The following PRKCQ variants were observed in gnomAD, a reference collection of about 807,000 sequenced individuals.
PRKCQ encodes protein kinase C theta type.
Under a neutral mutation model 91.2 loss-of-function variants are expected in PRKCQ, and 41 were observed. The ratio of observed to expected loss-of-function variants is 0.45; its 90% confidence interval spans 0.35 to 0.58. The LOEUF is 0.58. Ranked by LOEUF, PRKCQ falls within the 20% of genes least tolerant of loss-of-function variation. PRKCQ has a pLI of 0.00. For synonymous variants in PRKCQ, 307 were observed against 316.9 expected (o/e 0.97, Z 0.33); for missense variants, 673 against 896.5 (o/e 0.75, Z 3.18).
chr10:6,449,308 C>T (rs1237514581), intron 15 of PRKCQ, among the ~76,000 whole-genome samples: 13 of 151,298 alleles, frequency 8.6e-5, no homozygotes, highest in Non-Finnish European at 1.5e-4. Context: ...GGAGCTGATG[C>T]GATCAACTGG....
intron 1 of PRKCQ, among the ~76,000 whole-genome samples, chr10:6,559,892 G>A (rs1229306167): frequency 6.6e-6 from 1 of 152,118 alleles, no homozygotes; most frequent in Non-Finnish European, 1.5e-5. Flanking sequence ...GTGGTATTTC[G>A]TTACGTACAC....
intron 15 of PRKCQ, among the ~76,000 whole-genome samples, chr10:6,449,700 A>G (rs1834540049): frequency 6.6e-6 from 1 of 152,204 alleles, no homozygotes; most frequent in South Asian, 2.1e-4. Context: ...CGGGTTACCC[A>G]CAAAGGGAAG....
chr10:6,417,036 A>G, the PRKCQ span, among the ~76,000 whole-genome samples: 4 of 152,226 alleles, frequency 2.6e-5, no homozygotes, highest in African/African-American at 7.2e-5. Context: ...CCACTCCTGT[A>G]ATGTATTCTT....
chr10:6,489,485 G>A (rs755378435), intron 8 of PRKCQ: 1 of 528,846 alleles, frequency 1.9e-6, no homozygotes, highest in Non-Finnish European at 3.9e-6. Context: ...GAAAGAGAAG[G>A]CAGGGTAAAA....
intron 15 of PRKCQ, among the ~76,000 whole-genome samples, chr10:6,449,248 G>A (rs1246693620): frequency 2.0e-5 from 3 of 148,770 alleles, no homozygotes; most frequent in Non-Finnish European, 4.5e-5. Flanking sequence ...AGGAGCTGAT[G>A]GAGCTGAAAG....
intron 12 of PRKCQ, among the ~76,000 whole-genome samples, chr10:6,475,461 T>C (rs773188585): frequency 1.6e-4 from 24 of 152,344 alleles, no homozygotes; most frequent in Admixed American, 2.6e-4. Context: ...CTAGGAACTT[T>C]AAAAACTTTA....
chr10:6,564,346 C>A (rs1840754603), intron 1 of PRKCQ, among the ~76,000 whole-genome samples: 1 of 152,128 alleles, frequency 6.6e-6, no homozygotes, highest in South Asian at 2.1e-4. Context: ...AATACTATTG[C>A]TCGATGGCGT....
rs545388635 is a variant in PRKCQ, at chr10:6,520,758, C to T, written c.-9-5614G>A. ...CAGCACCTGTCATATTGATTTGCGTCACACCTGCCATTTCTACAGTCCGAG... is the reference window on the plus strand; with the variant it reads ...CAGCACCTGTCATATTGATTTGCGTTACACCTGCCATTTCTACAGTCCGAG... On this transcript the variant is annotated intron_variant, in intron 1 of 17. Transcript: ENST00000263125. Among the ~76,000 whole-genome samples, 67 of 152,278 alleles carry T rather than the reference C, an allele frequency of 4.4e-4. No individual in the cohort carries two copies. The Middle Eastern group carries it at 0.017, about 39-fold the overall frequency.
At chr10:6,457,700 G>A (rs1483957538) in intron 14 of PRKCQ, among the ~76,000 whole-genome samples, 1 of 152,182 alleles carries the variant, frequency 6.6e-6, no homozygotes, top group African/African-American at 2.4e-5. Context: ...TCTGATTGGT[G>A]CAGGTTACAG....
At chr10:6,457,418 C>A (rs763203594) in intron 14 of PRKCQ, among the ~76,000 whole-genome samples, 1 of 152,080 alleles carries the variant, frequency 6.6e-6, no homozygotes, top group Non-Finnish European at 1.5e-5. Flanking sequence ...TCCAAGGGGG[C>A]TTTCTATTGT....
intron 16 of PRKCQ, among the ~76,000 whole-genome samples, chr10:6,434,201 C>T (rs760920322): frequency 3.9e-5 from 6 of 152,046 alleles, no homozygotes; most frequent in African/African-American, 1.2e-4. Flanking sequence ...GCCAAAACCT[C>T]GCTCATGTTG....
Position 6,453,161 on chromosome 10 carries a change from C to T in PRKCQ, c.1647+3513G>A, listed in dbSNP as rs1454832944. On this transcript the variant is annotated intron_variant, in intron 15 of 17. Coordinates refer to ENST00000263125, the MANE Select transcript of PRKCQ (RefSeq NM_006257.5). ...AACCTACAAAATGGGAGAAAATTTT[C>T]GCAACCTACTCATCTGACAAAGGGC... is the stretch of plus-strand genomic sequence containing the variant. Among the ~76,000 whole-genome samples the T allele has an allele frequency of 2.1e-3, 318 of 150,130 alleles. 1 individual carries two copies. Among genetic ancestry groups the T allele is most frequent in the African/African-American group, 7.1e-3 (293 of 41,102 alleles).
At chr10:6,517,166 AACTACACAGAG>A (rs1262050443) in intron 1 of PRKCQ, among the ~76,000 whole-genome samples, 1 of 152,088 alleles carries the variant, frequency 6.6e-6, no homozygotes, top group Non-Finnish European at 1.5e-5. Context: ...TTTACACCCG[AACTACACAGAG>A]TGCTTTTCTC....
At position 6,465,641 on chromosome 10, in the gene PRKCQ, C is replaced by G. The variant is rs2026432; in HGVS notation, c.1354-1237G>C. ...GGTTTCTTAACAGAATTAACCTTTA[C>G]GTTTTGATGTGAACCCAACCGAGGC... is the stretch of plus-strand genomic sequence containing the variant. On this transcript the variant is annotated intron_variant, in intron 12 of 17. Transcript: ENST00000263125. The surrounding 1 kb of genome is among the most constrained non-coding windows in gnomAD (Gnocchi z 4.4). 1.3e-5 allele frequency among the ~76,000 whole-genome samples: 2 copies of G among 152,046 alleles called. No individual in the cohort carries two copies.
chr10:6,528,832 C>T (rs557624891), intron 1 of PRKCQ, among the ~76,000 whole-genome samples: 14 of 152,200 alleles, frequency 9.2e-5, no homozygotes, highest in Non-Finnish European at 1.9e-4. Context: ...TCCCACCTGT[C>T]CCTACTTGCA....
chr10:6,398,180 G>A, the PRKCQ span, among the ~76,000 whole-genome samples: 2 of 152,072 alleles, frequency 1.3e-5, no homozygotes, highest in African/African-American at 2.4e-5. Context: ...GTTGAAAGTC[G>A]ATGACCATAA....
In PRKCQ at chr10:6,462,291, A is replaced by T. The variant is rs539103; in HGVS notation, c.1508+12T>A. 461 of 1,611,674 alleles carry T rather than the reference A, an allele frequency of 2.9e-4. 1 individual carries two copies. In the African/African-American group the frequency reaches 5.7e-3, roughly 20 times the overall value. On this transcript the variant is annotated intron_variant, in intron 14 of 17. Transcript: ENST00000263125. Reference sequence around the variant, plus strand: ...GATATCTTAGCATTTGTTTCCACAAAGCAAAATTTACCTGTAGACTATTCC... The same window carrying T: ...GATATCTTAGCATTTGTTTCCACAATGCAAAATTTACCTGTAGACTATTCC...
chr10:6,502,264 A>G, intron 4 of PRKCQ, among the ~76,000 whole-genome samples: 1 of 152,330 alleles, frequency 6.6e-6, no homozygotes, highest in Non-Finnish European at 1.5e-5. Context: ...GAAGGAGAGA[A>G]AGAGGGAAGT....
In PRKCQ at chr10:6,555,402, C is replaced by A. The variant is rs909283615; in HGVS notation, c.-10+24809G>T. Among the ~76,000 whole-genome samples the A allele has an allele frequency of 2.0e-5, 3 of 152,232 alleles. No homozygotes were observed. The Middle Eastern group carries it at 0.01, about 518-fold the overall frequency. The stretch of plus-strand genomic sequence containing the variant: ...AAACCACTTATCTTCCTAAATGATG[C>A]GTACACAAACTACTGTGGGAACTTC... On this transcript the variant is annotated intron_variant, in intron 1 of 17. Transcript: ENST00000263125.
Sources: gnomAD v4.1 joint callset for allele counts (sites outside exome capture counted in the v4.1 genomes callset) on GRCh38, gnomAD v4.1.1 for gene constraint, Gnocchi (gnomAD v3.1) non-coding constraint, MANE v1.5 for transcripts, NCBI Gene and HGNC (gene_info 2026-07-23, HGNC 2026-07-21) for gene names.